Variants in MCM9 observed in about 807,000 individuals in gnomAD.
MCM9 encodes the protein DNA helicase MCM9.
In MCM9, 55 loss-of-function variants were observed where a neutral mutation model predicts 72.8. The ratio of observed to expected loss-of-function variants is 0.76; its 90% CI spans 0.61 to 0.95. The LOEUF (loss-of-function observed/expected upper bound fraction) is 0.95, where lower values mean the gene tolerates loss of function less well. Among genes scored for constraint, MCM9 ranks in the 40% least tolerant of loss-of-function variants. The probability of loss-of-function intolerance (pLI) is 0.00; values close to 1 mark genes in which losing one functional copy is unlikely to be tolerated. For synonymous variants in MCM9, 480 were observed against 503.4 expected (o/e 0.95, Z 0.62); for missense variants, 1,279 against 1,377.0 (o/e 0.93, Z 1.13).
intron 8 of MCM9, among the ~76,000 whole-genome samples, chr6:118,887,672 C>A (rs1407380895): frequency 6.6e-6 from 1 of 151,920 alleles, no homozygotes; most frequent in East Asian, 1.9e-4. Context: ...AGGACACCAC[C>A]AAGAAAATTA....
At chr6:118,881,975 G>A (rs570575438) in intron 8 of MCM9, among the ~76,000 whole-genome samples, 2 of 152,210 alleles carry the variant, frequency 1.3e-5, no homozygotes, top group South Asian at 2.1e-4. Context: ...ATAAGATATC[G>A]TACCAGGAGG....
chr6:118,886,798 T>C (rs1778636129), intron 8 of MCM9, among the ~76,000 whole-genome samples: 1 of 151,294 alleles, frequency 6.6e-6, no homozygotes, highest in African/African-American at 2.4e-5. Flanking sequence ...CTATGAAAAA[T>C]TTCAAAAAAT....
At chr6:118,830,844 C>T (rs1774491943) in intron 9 of MCM9, among the ~76,000 whole-genome samples, 1 of 152,210 alleles carries the variant, frequency 6.6e-6, no homozygotes, top group South Asian at 2.1e-4. Flanking sequence ...CTGATCTCTG[C>T]TGCCAATTAG....
At chr6:118,848,590 T>C (rs944214796) in intron 9 of MCM9, among the ~76,000 whole-genome samples, 7 of 151,954 alleles carry the variant, frequency 4.6e-5, no homozygotes, top group African/African-American at 1.5e-4. Context: ...ATACTTGCTA[T>C]CCTAATCTCC....
Position 118,840,171 on chromosome 6 carries a change from T to TA in MCM9, c.1326-10922_1326-10921insT, listed in dbSNP as rs556130853. Among the ~76,000 whole-genome samples the TA allele has an allele frequency of 1.2e-3, 179 of 150,192 alleles. 2 individuals are homozygous for TA. The highest frequency in any genetic ancestry group is 4.6e-3 in the Admixed American group (70 of 15,110). ...TGTAGATGGTAGATTTTTATGTTAT[T>TA]TTTTTTTTTTTCTCCACACACACAA... is the stretch of plus-strand genomic sequence containing the variant. On this transcript the variant is annotated intron_variant, in intron 9 of 13. Transcript: ENST00000619706.
intron 6 of MCM9, among the ~76,000 whole-genome samples, chr6:118,916,371 A>C (rs528289857): frequency 5.9e-4 from 89 of 149,922 alleles, no homozygotes; most frequent in African/African-American, 2.0e-3. Flanking sequence ...CACACACAAA[A>C]AAAAAAGAAA....
At chr6:118,876,919 C>G (rs1280820829) in intron 8 of MCM9, among the ~76,000 whole-genome samples, 1 of 152,216 alleles carries the variant, frequency 6.6e-6, no homozygotes, top group Admixed American at 6.5e-5. Flanking sequence ...ATCCCCTCCC[C>G]TTGAATCAGG....
chr6:118,824,078 GTCTC>G (rs1390043000), intron 13 of MCM9, among the ~76,000 whole-genome samples: 1 of 105,266 alleles, frequency 9.5e-6, no homozygotes, highest in African/African-American at 3.7e-5. Context: ...TTTAGACAGA[GTCTC>G]TCTCTGTCAC....
chr6:118,840,737 C>T (rs750570920), intron 9 of MCM9, among the ~76,000 whole-genome samples: 2 of 104,152 alleles, frequency 1.9e-5, no homozygotes, highest in African/African-American at 3.6e-5. Flanking sequence ...TCTCCTCCCC[C>T]CCCCCTTTTT....
At chr6:118,905,949 A>T (rs937408395) in intron 8 of MCM9, 8 of 685,432 alleles carry the variant, frequency 1.2e-5, no homozygotes, top group Non-Finnish European at 1.8e-5. Flanking sequence ...TGAGGTCCTT[A>T]TGCCAACTGG....
intron 8 of MCM9, chr6:118,894,413 T>C (rs1779200331): frequency 3.9e-6 from 6 of 1,536,786 alleles, no homozygotes; most frequent in Non-Finnish European, 5.2e-6. Flanking sequence ...TTTTTCAAAA[T>C]ATGGCAAAGG....
At chr6:118,845,865 C>T (rs1010110494) in intron 9 of MCM9, among the ~76,000 whole-genome samples, 15 of 151,884 alleles carry the variant, frequency 9.9e-5, no homozygotes, top group African/African-American at 2.2e-4. Context: ...CTTTAGGCAG[C>T]GCTAACCATT....
intron 3 of MCM9, among the ~76,000 whole-genome samples, chr6:118,930,207 T>C (rs994924231): frequency 6.6e-6 from 1 of 152,086 alleles, no homozygotes; most frequent in Non-Finnish European, 1.5e-5. Flanking sequence ...GCCTCCTGGG[T>C]TCACACCATT....
intron 8 of MCM9, among the ~76,000 whole-genome samples, chr6:118,857,094 T>C (rs706974): frequency 0.076 from 11,594 of 152,182 alleles, 683 homozygotes; most frequent in East Asian, 0.19. Context: ...CCAGAAGTTC[T>C]CAAATTTTCT....
intron 9 of MCM9, among the ~76,000 whole-genome samples, chr6:118,854,034 A>G (rs1415996358): frequency 6.6e-6 from 1 of 152,150 alleles, no homozygotes; most frequent in African/African-American, 2.4e-5. Flanking sequence ...ATTTTATTTC[A>G]ATTTCCAGTT....
intron 9 of MCM9, among the ~76,000 whole-genome samples, chr6:118,844,761 AAG>A (rs1775741779): frequency 6.6e-6 from 1 of 151,822 alleles, no homozygotes; most frequent in South Asian, 2.1e-4. Context: ...TTTTCTCATG[AAG>A]AGTTACCTCC....
intron 8 of MCM9, among the ~76,000 whole-genome samples, chr6:118,875,874 C>T (rs150865823): frequency 0.018 from 2,813 of 152,236 alleles, 32 homozygotes; most frequent in Non-Finnish European, 0.027. Flanking sequence ...AGCAGCTGTG[C>T]TCCATGGTGT....
chr6:118,849,790 G>A (rs1776109181), intron 9 of MCM9, among the ~76,000 whole-genome samples: 1 of 151,764 alleles, frequency 6.6e-6, no homozygotes, highest in Non-Finnish European at 1.5e-5. Flanking sequence ...GTGCCAAGGA[G>A]TATATGCAGT....
chr6:118,913,851 T>C (rs1780736389), intron 6 of MCM9, among the ~76,000 whole-genome samples: 1 of 152,128 alleles, frequency 6.6e-6, no homozygotes, highest in Non-Finnish European at 1.5e-5. Context: ...TCCTTTCATA[T>C]CAGCCTCCCA....
Sources: allele counts gnomAD v4.1 joint callset (sites outside exome capture counted in the v4.1 genomes callset), GRCh38; gene constraint gnomAD v4.1.1; transcripts MANE v1.5; gene names NCBI Gene and HGNC (gene_info 2026-07-23, HGNC 2026-07-21).